RALGPS1: variants seen among roughly 807,000 people sequenced by gnomAD.
RALGPS1 encodes ras-specific guanine nucleotide-releasing factor RalGPS1.
RALGPS1 carries 19 observed loss-of-function variants against 78.8 expected under a neutral mutation model. The ratio of observed to expected loss-of-function variants is 0.24; its 90% confidence interval spans 0.17 to 0.35. The LOEUF is 0.35. Ranked by LOEUF, RALGPS1 falls within the 10% of genes least tolerant of loss-of-function variation. The pLI is 1.00. For missense variants in RALGPS1, 454 were observed against 688.3 expected, an observed-to-expected ratio of 0.66 and a Z score of 3.81; for synonymous variants, 228 against 256.3, an observed-to-expected ratio of 0.89 and a Z score of 1.06.
At chr9:126,997,346 A>T (rs944948565) in intron 4 of RALGPS1, among the ~76,000 whole-genome samples, 2 of 152,232 alleles carry the variant, frequency 1.3e-5, no homozygotes, top group African/African-American at 4.8e-5. Context: ...ATTCAAAATC[A>T]ATGTACAAAA....
intron 8 of RALGPS1, among the ~76,000 whole-genome samples, chr9:127,083,192 CT>C (rs2051353737): frequency 6.6e-6 from 1 of 152,236 alleles, no homozygotes; most frequent in East Asian, 1.9e-4. Flanking sequence ...TGGGAACCTA[CT>C]TCCGCTGCTT....
At chr9:127,081,661 G>C (rs1466251705) in intron 8 of RALGPS1, among the ~76,000 whole-genome samples, 1 of 152,246 alleles carries the variant, frequency 6.6e-6, no homozygotes, top group Non-Finnish European at 1.5e-5. Flanking sequence ...TCCCAGCTCT[G>C]TTGAGGCTCA....
intron 4 of RALGPS1, among the ~76,000 whole-genome samples, chr9:127,028,269 C>T (rs1432761876): frequency 1.3e-5 from 2 of 152,266 alleles, no homozygotes; most frequent in Non-Finnish European, 2.9e-5. Flanking sequence ...GCCGGAGCCC[C>T]GGCTAAGGCC....
intron 4 of RALGPS1, among the ~76,000 whole-genome samples, chr9:127,004,286 C>T (rs1465472759): frequency 6.6e-6 from 1 of 152,152 alleles, no homozygotes; most frequent in Non-Finnish European, 1.5e-5. Context: ...GCTGGGATTA[C>T]AGGCACCCGC....
At chr9:127,097,152 A>G (rs1041509583) in intron 8 of RALGPS1, among the ~76,000 whole-genome samples, 2 of 152,240 alleles carry the variant, frequency 1.3e-5, no homozygotes, top group Non-Finnish European at 2.9e-5. Context: ...TTCTTTGTCG[A>G]GGTGTAAAAC....
At chr9:127,134,327 G>T (rs1054957757) in intron 8 of RALGPS1, among the ~76,000 whole-genome samples, 1 of 152,222 alleles carries the variant, frequency 6.6e-6, no homozygotes, top group Non-Finnish European at 1.5e-5. Context: ...ACATGTTACA[G>T]GCCTGCTGTG....
chr9:127,068,004 G>C (rs981599546), intron 7 of RALGPS1, among the ~76,000 whole-genome samples: 3 of 152,302 alleles, frequency 2.0e-5, no homozygotes, highest in Middle Eastern at 3.4e-3. Context: ...AAAACCAGGA[G>C]TTCTGGTTTC....
chr9:127,198,617 C>T (rs2061461530), intron 13 of RALGPS1, among the ~76,000 whole-genome samples: 1 of 152,136 alleles, frequency 6.6e-6, no homozygotes, highest in African/African-American at 2.4e-5. Flanking sequence ...AAGTCCTGAC[C>T]CTTGGGGAAG....
intron 4 of RALGPS1, among the ~76,000 whole-genome samples, chr9:127,029,798 G>A (rs2046268586): frequency 6.6e-6 from 1 of 152,186 alleles, no homozygotes; most frequent in Admixed American, 6.5e-5. Flanking sequence ...TCCAGACACG[G>A]TCAGGGTTGG....
At chr9:127,113,968 C>T (rs1005512767) in intron 8 of RALGPS1, among the ~76,000 whole-genome samples, 5 of 152,256 alleles carry the variant, frequency 3.3e-5, no homozygotes, top group African/African-American at 1.2e-4. Flanking sequence ...TGCCCTGCAG[C>T]AGAAGCTGCC....
intron 5 of RALGPS1, among the ~76,000 whole-genome samples, chr9:127,041,839 G>A (rs2047346302): frequency 6.6e-6 from 1 of 152,182 alleles, no homozygotes; most frequent in African/African-American, 2.4e-5. Flanking sequence ...ATAAGTGCAG[G>A]GCCCAAGGGA....
At chr9:127,005,545 G>T (rs1184714795) in intron 4 of RALGPS1, among the ~76,000 whole-genome samples, 1 of 152,180 alleles carries the variant, frequency 6.6e-6, no homozygotes, top group Non-Finnish European at 1.5e-5. Context: ...TCAGAGCCAG[G>T]CCTTGAGTCA....
intron 4 of RALGPS1, among the ~76,000 whole-genome samples, chr9:127,017,905 C>G (rs756861303): frequency 6.6e-6 from 1 of 152,126 alleles, no homozygotes; most frequent in Non-Finnish European, 1.5e-5. Context: ...ACACATGGAG[C>G]TGTCATCTCC....
intron 1 of RALGPS1, among the ~76,000 whole-genome samples, chr9:126,955,016 T>G (rs1320261735): frequency 6.6e-6 from 1 of 152,230 alleles, no homozygotes; most frequent in African/African-American, 2.4e-5. Flanking sequence ...TGCTGTTCCC[T>G]CTGCAAAGAA....
intron 4 of RALGPS1, among the ~76,000 whole-genome samples, chr9:127,012,352 A>G (rs60390050): frequency 0.024 from 3,588 of 152,280 alleles, 122 homozygotes; most frequent in African/African-American, 0.082. Context: ...ATGCCCAGAT[A>G]CTTCCCTGGG....
intron 3 of RALGPS1, among the ~76,000 whole-genome samples, chr9:126,969,695 GA>G (rs1564333152): frequency 6.6e-6 from 1 of 152,316 alleles, no homozygotes; most frequent in East Asian, 1.9e-4. Flanking sequence ...TTACCCTGTG[GA>G]ATGGCAGAGA....
At chr9:126,967,045 A>G (rs1381578500) in intron 3 of RALGPS1, among the ~76,000 whole-genome samples, 3 of 152,106 alleles carry the variant, frequency 2.0e-5, no homozygotes, top group Non-Finnish European at 2.9e-5. Flanking sequence ...TCTTTGGTAA[A>G]AGAGGTTTCT....
At chr9:127,076,995 A>G (rs1292383986) in intron 8 of RALGPS1, among the ~76,000 whole-genome samples, 5 of 152,198 alleles carry the variant, frequency 3.3e-5, no homozygotes, top group African/African-American at 1.2e-4. Flanking sequence ...AGAGTAGTGA[A>G]TGAGGGGGAA....
intron 4 of RALGPS1, among the ~76,000 whole-genome samples, chr9:126,984,947 T>C (rs2041655943): frequency 6.6e-6 from 1 of 152,240 alleles, no homozygotes; most frequent in African/African-American, 2.4e-5. Flanking sequence ...TAGTAAACAG[T>C]TATTTTTTAA....
Sources: allele counts gnomAD v4.1 joint callset (sites outside exome capture counted in the v4.1 genomes callset), GRCh38; gene constraint gnomAD v4.1.1; transcripts MANE v1.5; gene names NCBI Gene and HGNC (gene_info 2026-07-23, HGNC 2026-07-21).